The following KCND2 variants were observed in gnomAD, a reference collection of about 807,000 sequenced individuals.
KCND2 encodes A-type voltage-gated potassium channel KCND2.
KCND2 carries 16 observed loss-of-function variants against 54.4 expected under a neutral mutation model. That is an observed-to-expected ratio of 0.29 (90% CI 0.20 to 0.45). The LOEUF (loss-of-function observed/expected upper bound fraction) is 0.45. Among genes scored for constraint, KCND2 ranks in the 20% least tolerant of loss-of-function variants. The probability of loss-of-function intolerance (pLI) is 1.00; values close to 1 mark genes in which losing one functional copy is unlikely to be tolerated. For missense variants in KCND2, 486 were observed against 824.2 expected (o/e 0.59, Z 5.02); for synonymous variants, 317 against 310.7 (o/e 1.02, Z -0.21).
At chr7:120,731,716 G>C (rs955384815) in intron 1 of KCND2, among the ~76,000 whole-genome samples, 2 of 152,178 alleles carry the variant, frequency 1.3e-5, no homozygotes, top group African/African-American at 2.4e-5. Context: ...TATATCTATG[G>C]CTCTGGCAAG....
chr7:120,396,681 AC>A (rs143768133), intron 1 of KCND2, among the ~76,000 whole-genome samples: 3,053 of 151,982 alleles, frequency 0.02, 113 homozygotes, highest in African/African-American at 0.069. Context: ...GTGTGTGTGC[AC>A]ATGTGAGTCC....
chr7:120,545,114 A>T (rs989947926), intron 1 of KCND2, among the ~76,000 whole-genome samples: 1 of 151,922 alleles, frequency 6.6e-6, no homozygotes, highest in Admixed American at 6.6e-5. Flanking sequence ...AAATATTTAG[A>T]TTCTAATCCT....
At chr7:120,620,013 G>A (rs1793078201) in intron 1 of KCND2, among the ~76,000 whole-genome samples, 1 of 152,106 alleles carries the variant, frequency 6.6e-6, no homozygotes, top group Admixed American at 6.5e-5. Flanking sequence ...AAGCTAATAT[G>A]TACGCTGTAT....
intron 1 of KCND2, among the ~76,000 whole-genome samples, chr7:120,655,903 C>A (rs529306916): frequency 2.6e-5 from 4 of 152,152 alleles, no homozygotes; most frequent in South Asian, 2.1e-4. Flanking sequence ...TATTTCTAGT[C>A]AATCTAATCA....
intron 1 of KCND2, among the ~76,000 whole-genome samples, chr7:120,347,667 G>A (rs560248444): frequency 6.6e-6 from 1 of 151,748 alleles, no homozygotes; most frequent in Admixed American, 6.6e-5. Flanking sequence ...TGAGGCAGGA[G>A]AATTGGTTGA....
At chr7:120,397,651 G>T (rs545115561) in intron 1 of KCND2, among the ~76,000 whole-genome samples, 3 of 151,906 alleles carry the variant, frequency 2.0e-5, no homozygotes, top group African/African-American at 7.2e-5. Flanking sequence ...AGTAAAAAGC[G>T]ACAGGAAGTG....
chr7:120,614,544 C>A (rs1398794561), intron 1 of KCND2, among the ~76,000 whole-genome samples: 1 of 152,158 alleles, frequency 6.6e-6, no homozygotes. Context: ...AATTTCACCT[C>A]ACAACACCAT....
chr7:120,302,901 A>G (rs1799606629), intron 1 of KCND2, among the ~76,000 whole-genome samples: 1 of 152,194 alleles, frequency 6.6e-6, no homozygotes, highest in African/African-American at 2.4e-5. Flanking sequence ...CTCATTTTAT[A>G]TATGGACAAA....
At chr7:120,328,331 A>G (rs577956030) in intron 1 of KCND2, among the ~76,000 whole-genome samples, 56 of 152,248 alleles carry the variant, frequency 3.7e-4, no homozygotes, top group African/African-American at 1.2e-3. Flanking sequence ...GAATTATCTC[A>G]TCTAGTTTTT....
chr7:120,514,026 C>T (rs1439718404), intron 1 of KCND2, among the ~76,000 whole-genome samples: 2 of 152,020 alleles, frequency 1.3e-5, no homozygotes, highest in Non-Finnish European at 2.9e-5. Flanking sequence ...CTAAACTTTG[C>T]CCTTAGATGC....
chr7:120,649,872 A>T (rs1246082057), intron 1 of KCND2, among the ~76,000 whole-genome samples: 15 of 152,272 alleles, frequency 9.9e-5, no homozygotes, highest in African/African-American at 2.6e-4. Context: ...CCTTCACTTA[A>T]TAAGCTTAGT....
intron 1 of KCND2, among the ~76,000 whole-genome samples, chr7:120,580,220 T>C (rs1455324074): frequency 2.6e-5 from 4 of 152,172 alleles, no homozygotes; most frequent in Non-Finnish European, 5.9e-5. Flanking sequence ...TTTCATAGAG[T>C]AAGAAAGACA....
chr7:120,516,646 C>A (rs1803201213), intron 1 of KCND2, among the ~76,000 whole-genome samples: 1 of 152,060 alleles, frequency 6.6e-6, no homozygotes, highest in South Asian at 2.1e-4. Context: ...TCTCCAAGTG[C>A]TGAAAGTGGA....
At chr7:120,645,710 T>C (rs1282978356) in intron 1 of KCND2, among the ~76,000 whole-genome samples, 1 of 152,226 alleles carries the variant, frequency 6.6e-6, no homozygotes, top group Non-Finnish European at 1.5e-5. Context: ...GTCCCATGCC[T>C]GGACACGTGA....
intron 1 of KCND2, among the ~76,000 whole-genome samples, chr7:120,345,891 T>G (rs1234768475): frequency 6.6e-6 from 1 of 152,102 alleles, no homozygotes; most frequent in Non-Finnish European, 1.5e-5. Flanking sequence ...CATATGGTAA[T>G]TTTATTTTTA....
intron 1 of KCND2, among the ~76,000 whole-genome samples, chr7:120,543,666 C>T (rs1200066683): frequency 6.6e-6 from 1 of 152,000 alleles, no homozygotes; most frequent in Non-Finnish European, 1.5e-5. Flanking sequence ...AAAACAGAGA[C>T]TATTGTAATG....
At chr7:120,700,279 T>C (rs1792384436) in intron 1 of KCND2, among the ~76,000 whole-genome samples, 1 of 152,186 alleles carries the variant, frequency 6.6e-6, no homozygotes, top group Non-Finnish European at 1.5e-5. Flanking sequence ...CTGAAAATAA[T>C]GAGCCCGTAT....
At chr7:120,363,811 C>T (rs1800628790) in intron 1 of KCND2, among the ~76,000 whole-genome samples, 1 of 152,098 alleles carries the variant, frequency 6.6e-6, no homozygotes, top group South Asian at 2.1e-4. Context: ...TCTGACATCA[C>T]CTTATCTTTC....
At chr7:120,723,333 G>A (rs149164353) in intron 1 of KCND2, among the ~76,000 whole-genome samples, 52 of 152,282 alleles carry the variant, frequency 3.4e-4, no homozygotes, top group African/African-American at 1.2e-3. Context: ...TTTAACCAGA[G>A]AGGATCTTGT....
Sources: gnomAD v4.1 joint callset for allele counts (sites outside exome capture counted in the v4.1 genomes callset) on GRCh38, gnomAD v4.1.1 for gene constraint, MANE v1.5 for transcripts, NCBI Gene and HGNC (gene_info 2026-07-23, HGNC 2026-07-21) for gene names.